GPC5: variants seen among roughly 807,000 people sequenced by gnomAD.
The protein encoded by GPC5 is glypican-5.
GPC5 carries 47 observed loss-of-function variants against 53.9 expected under a neutral mutation model. That is an observed-to-expected ratio of 0.87 (90% CI 0.69 to 1.11). GPC5 has a LOEUF of 1.11. Ranked by LOEUF, GPC5 falls within the 50% of genes most tolerant of loss-of-function variation. The probability of loss-of-function intolerance (pLI) is 0.00; values close to 1 mark genes in which losing one functional copy is unlikely to be tolerated. For synonymous variants in GPC5, 286 were observed against 263.3 expected (o/e 1.09, Z -0.84); for missense variants, 748 against 713.1 (o/e 1.05, Z -0.56).
chr13:91,451,576 A>G (rs1445291956), intron 2 of GPC5, among the ~76,000 whole-genome samples: 1 of 151,032 alleles, frequency 6.6e-6, no homozygotes, highest in Non-Finnish European at 1.5e-5. Context: ...TGTATATTCC[A>G]TTTAGGCTAG....
At chr13:92,092,250 G>A (rs2138898152) in intron 6 of GPC5, among the ~76,000 whole-genome samples, 1 of 152,190 alleles carries the variant, frequency 6.6e-6, no homozygotes, top group South Asian at 2.1e-4. Flanking sequence ...AGGCACTTAT[G>A]CTTACATATA....
intron 7 of GPC5, among the ~76,000 whole-genome samples, chr13:92,489,419 G>A (rs1879677846): frequency 6.6e-6 from 1 of 152,132 alleles, no homozygotes; most frequent in South Asian, 2.1e-4. Context: ...TACATCATGT[G>A]TCAGATATTG....
intron 5 of GPC5, among the ~76,000 whole-genome samples, chr13:91,854,226 A>G (rs1240943089): frequency 6.6e-6 from 1 of 151,810 alleles, no homozygotes; most frequent in Non-Finnish European, 1.5e-5. Flanking sequence ...AAATAAAGAT[A>G]TTGAAAATTT....
At chr13:92,714,773 A>T (rs1888269002) in intron 7 of GPC5, among the ~76,000 whole-genome samples, 1 of 152,194 alleles carries the variant, frequency 6.6e-6, no homozygotes, top group South Asian at 2.1e-4. Context: ...AACATAATAA[A>T]AAGAATTGCT....
At chr13:91,580,012 T>C (rs1020042557) in intron 2 of GPC5, among the ~76,000 whole-genome samples, 13 of 152,238 alleles carry the variant, frequency 8.5e-5, no homozygotes, top group Admixed American at 2.0e-4. Flanking sequence ...ATAAGAGATA[T>C]AATATTTCAC....
At chr13:92,530,321 G>C (rs996499802) in intron 7 of GPC5, among the ~76,000 whole-genome samples, 1 of 152,042 alleles carries the variant, frequency 6.6e-6, no homozygotes, top group Admixed American at 6.6e-5. Context: ...CAGGGTGGAG[G>C]GGAGGGCTCA....
chr13:91,607,632 T>C (rs536787709), intron 2 of GPC5, among the ~76,000 whole-genome samples: 1 of 152,340 alleles, frequency 6.6e-6, no homozygotes, highest in African/African-American at 2.4e-5. Flanking sequence ...GAAAGCAGCA[T>C]AATTACATAA....
chr13:92,094,666 T>C (rs1594760514), intron 6 of GPC5, among the ~76,000 whole-genome samples: 1 of 152,036 alleles, frequency 6.6e-6, no homozygotes, highest in South Asian at 2.1e-4. Flanking sequence ...CCCAAACATT[T>C]CAAAGTCACC....
At chr13:92,079,403 C>A (rs2041277681) in intron 6 of GPC5, among the ~76,000 whole-genome samples, 1 of 152,168 alleles carries the variant, frequency 6.6e-6, no homozygotes, top group African/African-American at 2.4e-5. Context: ...TAGTGCTCTC[C>A]CTTCTAAAAT....
intron 5 of GPC5, among the ~76,000 whole-genome samples, chr13:91,800,348 C>T (rs9523418): frequency 0.33 from 49,448 of 151,804 alleles, 9,503 homozygotes; most frequent in East Asian, 0.65. Flanking sequence ...AAATGTCTCT[C>T]TCATCTAGTT....
chr13:91,715,198 T>C, intron 3 of GPC5, among the ~76,000 whole-genome samples: 1 of 152,178 alleles, frequency 6.6e-6, no homozygotes, highest in East Asian at 1.9e-4. Context: ...AGAAAGCTGC[T>C]TCTGCCCCAT....
At chr13:91,586,255 G>C (rs1049236801) in intron 2 of GPC5, among the ~76,000 whole-genome samples, 2 of 149,768 alleles carry the variant, frequency 1.3e-5, no homozygotes, top group East Asian at 4.0e-4. Flanking sequence ...ATAATCTTTT[G>C]AATTAACTTC....
intron 7 of GPC5, among the ~76,000 whole-genome samples, chr13:92,796,378 G>C (rs1876682390): frequency 1.3e-5 from 2 of 152,020 alleles, no homozygotes; most frequent in Non-Finnish European, 2.9e-5. Context: ...GAGGCCTGAG[G>C]GAGGGATAGC....
intron 7 of GPC5, among the ~76,000 whole-genome samples, chr13:92,174,391 C>G (rs1220282883): frequency 2.0e-5 from 3 of 150,928 alleles, no homozygotes; most frequent in African/African-American, 7.3e-5. Context: ...AAAAAATGGC[C>G]GGGTGTGGTG....
At chr13:92,775,283 A>C (rs1875761463) in intron 7 of GPC5, among the ~76,000 whole-genome samples, 1 of 152,246 alleles carries the variant, frequency 6.6e-6, no homozygotes, top group Non-Finnish European at 1.5e-5. Flanking sequence ...AATTTTCCTC[A>C]AATAACAAAG....
chr13:92,306,256 T>G (rs190071578), intron 7 of GPC5, among the ~76,000 whole-genome samples: 28 of 152,200 alleles, frequency 1.8e-4, no homozygotes, highest in African/African-American at 6.5e-4. Context: ...GAAGTTAGAT[T>G]TTTAATCCCT....
At chr13:92,236,317 G>C (rs2042569323) in intron 7 of GPC5, among the ~76,000 whole-genome samples, 1 of 152,006 alleles carries the variant, frequency 6.6e-6, no homozygotes. Context: ...AATTGTATGA[G>C]AGGACATTTT....
chr13:91,974,918 A>C (rs1477589647), intron 6 of GPC5, among the ~76,000 whole-genome samples: 1 of 152,208 alleles, frequency 6.6e-6, no homozygotes, highest in Non-Finnish European at 1.5e-5. Context: ...GTACCAAAAC[A>C]GAGATATAGA....
intron 7 of GPC5, among the ~76,000 whole-genome samples, chr13:92,864,343 T>C (rs531559597): frequency 6.6e-6 from 1 of 152,312 alleles, no homozygotes; most frequent in African/African-American, 2.4e-5. Context: ...TGCCATTGTC[T>C]GGCTTGCAGG....
Sources: gnomAD v4.1 joint callset for allele counts (sites outside exome capture counted in the v4.1 genomes callset) on GRCh38, gnomAD v4.1.1 for gene constraint, MANE v1.5 for transcripts, NCBI Gene and HGNC (gene_info 2026-07-23, HGNC 2026-07-21) for gene names.